Variants in BMAL2 observed in about 807,000 individuals in gnomAD.
BMAL2 encodes the protein basic helix-loop-helix ARNT like 2.
At chr12:27,352,766 A>G in the BMAL2 span, among the ~76,000 whole-genome samples, 4 of 152,242 alleles carry the variant, frequency 2.6e-5, no homozygotes, top group African/African-American at 9.6e-5. Context: ...AAATAAATGT[A>G]CAAAAGTCAG....
the BMAL2 span, among the ~76,000 whole-genome samples, chr12:27,382,613 G>A: frequency 0.031 from 4,663 of 152,268 alleles, 98 homozygotes; most frequent in Non-Finnish European, 0.044. Flanking sequence ...CAGATCCTTC[G>A]GTCAGTGCTG....
chr12:27,417,655 C>A, the BMAL2 span, among the ~76,000 whole-genome samples: 3 of 152,114 alleles, frequency 2.0e-5, no homozygotes, highest in African/African-American at 7.2e-5. Context: ...TTGATGGTGG[C>A]AGTTGTAGCA....
the BMAL2 span, among the ~76,000 whole-genome samples, chr12:27,379,481 G>C: frequency 6.6e-6 from 1 of 152,150 alleles, no homozygotes; most frequent in African/African-American, 2.4e-5. Flanking sequence ...TAAGGATCAA[G>C]TAAGAGCTGG....
At chr12:27,405,122 C>T in the BMAL2 span, among the ~76,000 whole-genome samples, 1 of 152,174 alleles carries the variant, frequency 6.6e-6, no homozygotes. Context: ...GGTTGGAGCC[C>T]ACCGCAGCTC....
the BMAL2 span, among the ~76,000 whole-genome samples, chr12:27,342,108 G>T: frequency 2.0e-5 from 3 of 151,870 alleles, no homozygotes; most frequent in Admixed American, 2.0e-4. Flanking sequence ...AGCTAATTTT[G>T]TATTTTTTTA....
the BMAL2 span, among the ~76,000 whole-genome samples, chr12:27,383,389 G>A: frequency 3.9e-5 from 6 of 152,082 alleles, no homozygotes; most frequent in African/African-American, 1.2e-4. Context: ...AAAAGTAAGT[G>A]ATCATGTTGC....
chr12:27,400,849 C>A, the BMAL2 span: 1 of 1,311,974 alleles, frequency 7.6e-7, no homozygotes, highest in African/African-American at 1.5e-5. Context: ...CTTAGTAGCA[C>A]TGCTAGTTTT....
At chr12:27,402,957 G>A in the BMAL2 span, among the ~76,000 whole-genome samples, 1 of 152,148 alleles carries the variant, frequency 6.6e-6, no homozygotes, top group African/African-American at 2.4e-5. Flanking sequence ...ACTGCAATTA[G>A]TTGTTCATTC....
chr12:27,418,554 G>A, the BMAL2 span, among the ~76,000 whole-genome samples: 2 of 151,940 alleles, frequency 1.3e-5, no homozygotes, highest in Non-Finnish European at 2.9e-5. Flanking sequence ...GCAGTGAGCT[G>A]TAATTGTACC....
chr12:27,409,884 C>A, the BMAL2 span, among the ~76,000 whole-genome samples: 2 of 151,776 alleles, frequency 1.3e-5, no homozygotes, highest in East Asian at 3.9e-4. Context: ...CAATGAACTC[C>A]AACAAATTTA....
the BMAL2 span, among the ~76,000 whole-genome samples, chr12:27,383,042 C>T: frequency 6.6e-6 from 1 of 152,240 alleles, no homozygotes; most frequent in Non-Finnish European, 1.5e-5. Flanking sequence ...TAGCCCTGCT[C>T]TGCAGCATGA....
At chr12:27,397,681 A>G in the BMAL2 span, among the ~76,000 whole-genome samples, 2 of 152,240 alleles carry the variant, frequency 1.3e-5, no homozygotes, top group Non-Finnish European at 2.9e-5. Flanking sequence ...TCAAACCTTC[A>G]TGGGTCACGG....
chr12:27,339,151 C>A, the BMAL2 span, among the ~76,000 whole-genome samples: 6 of 152,128 alleles, frequency 3.9e-5, no homozygotes, highest in African/African-American at 1.4e-4. Context: ...GTGTTGGTTC[C>A]CTCTGTATGT....
the BMAL2 span, among the ~76,000 whole-genome samples, chr12:27,350,082 G>A: frequency 6.6e-6 from 1 of 152,212 alleles, no homozygotes; most frequent in Admixed American, 6.5e-5. Context: ...ATTGGTATAG[G>A]TTGTCAAAGT....
At chr12:27,397,070 GTTTGTTTA>G in the BMAL2 span, among the ~76,000 whole-genome samples, 73 of 150,092 alleles carry the variant, frequency 4.9e-4, no homozygotes, top group African/African-American at 1.0e-3. Context: ...TTGTTTGTTT[GTTTGTTTA>G]TTTATTTATT....
chr12:27,344,913 A>G, the BMAL2 span, among the ~76,000 whole-genome samples: 1 of 152,178 alleles, frequency 6.6e-6, no homozygotes, highest in Non-Finnish European at 1.5e-5. Context: ...GTAAAAGATG[A>G]TATTATTTGC....
chr12:27,355,816 C>T, the BMAL2 span, among the ~76,000 whole-genome samples: 1 of 152,282 alleles, frequency 6.6e-6, no homozygotes, highest in Non-Finnish European at 1.5e-5. Flanking sequence ...GAGCCTAATG[C>T]ATTTTAGTTT....
At chr12:27,374,946 G>A in the BMAL2 span, among the ~76,000 whole-genome samples, 1 of 152,122 alleles carries the variant, frequency 6.6e-6, no homozygotes, top group Non-Finnish European at 1.5e-5. Context: ...AAGAGGAAAA[G>A]CACCACTTGA....
At chr12:27,380,384 A>G in the BMAL2 span, 4 of 1,614,160 alleles carry the variant, frequency 2.5e-6, no homozygotes, top group South Asian at 4.4e-5. Context: ...ATGGCTGTTC[A>G]ACACTTGAGA....
Sources: gnomAD v4.1 joint callset for allele counts (sites outside exome capture counted in the v4.1 genomes callset) on GRCh38, gnomAD v4.1.1 for gene constraint, MANE v1.5 for transcripts, NCBI Gene and HGNC (gene_info 2026-07-23, HGNC 2026-07-21) for gene names.